The following CAST variants were observed in gnomAD, a reference collection of about 807,000 sequenced individuals.
CAST encodes the protein calpastatin.
In CAST, 76 loss-of-function variants were observed where a neutral mutation model predicts 119.6. The ratio of observed to expected loss-of-function variants is 0.64; its 90% CI spans 0.53 to 0.77. The LOEUF (loss-of-function observed/expected upper bound fraction) is 0.77. Among genes scored for constraint, CAST ranks in the 30% least tolerant of loss-of-function variants. CAST has a pLI of 0.00. For synonymous variants in CAST, 319 were observed against 331.6 expected, an observed-to-expected ratio of 0.96 and a Z score of 0.41; for missense variants, 953 against 946.5, an observed-to-expected ratio of 1.01 and a Z score of -0.09.
At chr5:96,014,533 A>G in the CAST span, among the ~76,000 whole-genome samples, 1 of 152,188 alleles carries the variant, frequency 6.6e-6, no homozygotes, top group Non-Finnish European at 1.5e-5. Context: ...CTGGCAGCAC[A>G]GTAGGTTTGT....
chr5:96,647,840 T>G (rs1484503040), intron 1 of CAST, among the ~76,000 whole-genome samples: 1 of 152,090 alleles, frequency 6.6e-6, no homozygotes, highest in Non-Finnish European at 1.5e-5. Flanking sequence ...TGTGAGATAA[T>G]AAATTTATGT....
At chr5:96,289,686 A>C in the CAST span, among the ~76,000 whole-genome samples, 1 of 152,154 alleles carries the variant, frequency 6.6e-6, no homozygotes, top group African/African-American at 2.4e-5. Flanking sequence ...CAGCAGTGTG[A>C]AAACGAACAA....
the CAST span, among the ~76,000 whole-genome samples, chr5:96,013,156 A>C: frequency 6.6e-6 from 1 of 151,648 alleles, no homozygotes; most frequent in Non-Finnish European, 1.5e-5. Flanking sequence ...CAGAAAACAC[A>C]TTCACTTGAT....
At chr5:96,555,770 G>A (rs778481557) in intron 1 of CAST, among the ~76,000 whole-genome samples, 1 of 152,228 alleles carries the variant, frequency 6.6e-6, no homozygotes, top group Non-Finnish European at 1.5e-5. Flanking sequence ...AAGGAGGCCT[G>A]CCTGCCTCTG....
chr5:96,387,666 A>G, the CAST span, among the ~76,000 whole-genome samples: 1 of 152,200 alleles, frequency 6.6e-6, no homozygotes, highest in Non-Finnish European at 1.5e-5. Flanking sequence ...TATGAATGTG[A>G]CTATGAACTG....
chr5:96,581,628 C>G (rs530329158), intron 1 of CAST, among the ~76,000 whole-genome samples: 26 of 152,194 alleles, frequency 1.7e-4, no homozygotes, highest in Non-Finnish European at 3.7e-4. Flanking sequence ...CAGTGGCTCA[C>G]GCCTGTAATC....
intron 7 of CAST, 136 bp from the exon 8 acceptor site, chr5:96,729,476 A>T (rs1760001793): frequency 6.4e-6 from 4 of 624,196 alleles, no homozygotes; most frequent in Non-Finnish European, 1.2e-5. Flanking sequence ...AATTTACATA[A>T]TTTAGAACCA....
At chr5:96,531,458 A>C (rs1027085418) in intron 1 of CAST, among the ~76,000 whole-genome samples, 1 of 152,210 alleles carries the variant, frequency 6.6e-6, no homozygotes, top group Non-Finnish European at 1.5e-5. Context: ...AGAAACTGAG[A>C]CCTACACTCT....
the CAST span, among the ~76,000 whole-genome samples, chr5:96,478,835 A>G: frequency 2.6e-5 from 4 of 152,214 alleles, no homozygotes; most frequent in African/African-American, 9.7e-5. Flanking sequence ...TCAAAGCTCA[A>G]CTCGGCCACT....
At chr5:96,009,605 G>A in the CAST span, among the ~76,000 whole-genome samples, 3 of 152,104 alleles carry the variant, frequency 2.0e-5, no homozygotes, top group Non-Finnish European at 4.4e-5. Context: ...CTTTTGAGAA[G>A]TGTCTGTTCA....
the CAST span, among the ~76,000 whole-genome samples, chr5:95,971,742 A>G: frequency 6.6e-6 from 1 of 152,292 alleles, no homozygotes; most frequent in East Asian, 1.9e-4. Context: ...TTCACTTAGC[A>G]TAATGCATTT....
the CAST span, among the ~76,000 whole-genome samples, chr5:95,967,452 G>A: frequency 0.01 from 661 of 63,002 alleles, 5 homozygotes; most frequent in African/African-American, 0.035. Context: ...AAATAAATAA[G>A]TAAATTGATG....
At chr5:96,614,905 TG>T (rs1747425414) in intron 1 of CAST, among the ~76,000 whole-genome samples, 1 of 138,600 alleles carries the variant, frequency 7.2e-6, no homozygotes, top group Non-Finnish European at 1.5e-5. Context: ...AGCAATAATT[TG>T]GGCACTGGGG....
the CAST span, among the ~76,000 whole-genome samples, chr5:96,355,856 C>T: frequency 6.6e-6 from 1 of 152,106 alleles, no homozygotes; most frequent in Non-Finnish European, 1.5e-5. Context: ...TGCACACCAC[C>T]ACGCCCAGCT....
the CAST span, among the ~76,000 whole-genome samples, chr5:96,455,869 T>C: frequency 6.6e-6 from 1 of 152,242 alleles, no homozygotes; most frequent in Non-Finnish European, 1.5e-5. Context: ...TTCTGTCTCC[T>C]CTTGTATACC....
rs3064173 is a variant in CAST at position 96,632,025 on chromosome 5, A to AATTATT, written c.61-43496_61-43491dup. On this transcript the variant is annotated intron_variant, in intron 1 of 11. Coordinates refer to the CAST transcript ENST00000505143. Reference sequence around the variant, plus strand: ...CAACACTTGTTATTGTCCTTTTAAAAATTATTATTATTATTATTATTATAG... The same window carrying AATTATT: ...CAACACTTGTTATTGTCCTTTTAAAAATTATTATTATTATTATTATTATTATTATAG... Among the ~76,000 whole-genome samples the AATTATT allele has an allele frequency of 4.2e-3, 626 of 149,732 alleles. 4 individuals are homozygous for AATTATT. The highest frequency in any genetic ancestry group is 0.011 in the African/African-American group (454 of 40,610).
the CAST span, among the ~76,000 whole-genome samples, chr5:96,263,958 A>C: frequency 2.0e-5 from 3 of 152,214 alleles, no homozygotes; most frequent in Non-Finnish European, 4.4e-5. Flanking sequence ...CACCCCCATG[A>C]TCCAATCACT....
At chr5:96,027,888 A>T in the CAST span, among the ~76,000 whole-genome samples, 128 of 152,276 alleles carry the variant, frequency 8.4e-4, no homozygotes, top group Middle Eastern at 0.01. Flanking sequence ...CCTGCCTGTT[A>T]GAAGATGGAG....
the CAST span, among the ~76,000 whole-genome samples, chr5:96,237,094 A>G: frequency 1.2e-4 from 19 of 152,330 alleles, no homozygotes; most frequent in African/African-American, 4.1e-4. Context: ...GTGAAGTTAG[A>G]TGACAGTCAT....
Sources: gnomAD v4.1 joint callset for allele counts (sites outside exome capture counted in the v4.1 genomes callset) on GRCh38, gnomAD v4.1.1 for gene constraint, MANE v1.5 for transcripts, NCBI Gene and HGNC (gene_info 2026-07-23, HGNC 2026-07-21) for gene names.